SDCCAG8: variants seen among roughly 807,000 people sequenced by gnomAD.
The protein encoded by SDCCAG8 is SHH signaling and ciliogenesis regulator SDCCAG8.
Under a neutral mutation model 101.8 loss-of-function variants are expected in SDCCAG8, and 74 were observed. That is an observed-to-expected ratio of 0.73 (90% CI 0.60 to 0.88). The LOEUF is 0.88. Ranked by LOEUF, SDCCAG8 falls within the 40% of genes least tolerant of loss-of-function variation. The probability of loss-of-function intolerance (pLI) is 0.00; values close to 1 mark genes in which losing one functional copy is unlikely to be tolerated. For missense variants in SDCCAG8, 787 were observed against 822.6 expected (o/e 0.96, Z 0.53); for synonymous variants, 281 against 292.9 (o/e 0.96, Z 0.41).
chr1:243,273,137 T>G (rs1349272557), intron 3 of SDCCAG8, among the ~76,000 whole-genome samples: 3 of 152,232 alleles, frequency 2.0e-5, no homozygotes, highest in Non-Finnish European at 2.9e-5. Context: ...GATAATTCAT[T>G]TAATTAGAGT....
chr1:243,495,705 G>A (rs960628986), intron 17 of SDCCAG8, among the ~76,000 whole-genome samples: 13 of 152,186 alleles, frequency 8.5e-5, no homozygotes, highest in African/African-American at 2.9e-4. Context: ...ACAGGTGGGC[G>A]GTCCTGCTCG....
intron 16 of SDCCAG8, among the ~76,000 whole-genome samples, chr1:243,465,547 TTCACC>T (rs1170422126): frequency 6.6e-6 from 1 of 152,252 alleles, no homozygotes; most frequent in Non-Finnish European, 1.5e-5. Flanking sequence ...AAAGGATTTA[TTCACC>T]TCATCCTTTG....
chr1:243,275,044 A>C (rs955717946), intron 4 of SDCCAG8, among the ~76,000 whole-genome samples: 1 of 152,206 alleles, frequency 6.6e-6, no homozygotes, highest in Non-Finnish European at 1.5e-5. Flanking sequence ...CAGGGATTCT[A>C]AACTGGTAGA....
At chr1:243,304,991 A>C in intron 7 of SDCCAG8, 1 of 549,472 alleles carries the variant, frequency 1.8e-6, no homozygotes, top group Non-Finnish European at 3.2e-6. Flanking sequence ...TCAGTTGTAA[A>C]ATATTTGTGT....
At chr1:243,302,152 G>A (rs1051340229) in intron 6 of SDCCAG8, among the ~76,000 whole-genome samples, 1 of 152,176 alleles carries the variant, frequency 6.6e-6, no homozygotes, top group South Asian at 2.1e-4. Flanking sequence ...GGAGGCTGAG[G>A]CATGAGAATC....
intron 15 of SDCCAG8, among the ~76,000 whole-genome samples, chr1:243,419,866 C>T (rs1282367979): frequency 6.6e-6 from 1 of 152,146 alleles, no homozygotes; most frequent in East Asian, 1.9e-4. Context: ...ACTCTGTGCC[C>T]CTAGGCCCTC....
chr1:243,273,714 C>T (rs2068285790), intron 3 of SDCCAG8, among the ~76,000 whole-genome samples: 1 of 152,214 alleles, frequency 6.6e-6, no homozygotes, highest in African/African-American at 2.4e-5. Flanking sequence ...GGAGCTGCTG[C>T]AGTTTTAGCT....
At position 243,489,163 on chromosome 1, in the gene SDCCAG8, G is replaced by C. The variant is rs752615881; in HGVS notation, c.2112+23G>C. Reference sequence around the variant, plus strand: ...CAGGTACTGTGCAGAACGCGGCGCAGGTGGGAGTCCTTGGGCGGGCGTCTA... The same window carrying C: ...CAGGTACTGTGCAGAACGCGGCGCACGTGGGAGTCCTTGGGCGGGCGTCTA... On this transcript the variant is annotated intron_variant, in intron 17 of 17. Transcript: ENST00000366541. The C allele has an allele frequency of 2.5e-6, 4 of 1,610,052 alleles. No individual in the cohort carries two copies. The East Asian group carries it at 6.7e-5, about 27-fold the overall frequency.
At chr1:243,292,873 A>G (rs778462476) in intron 5 of SDCCAG8, among the ~76,000 whole-genome samples, 1 of 152,200 alleles carries the variant, frequency 6.6e-6, no homozygotes, top group Non-Finnish European at 1.5e-5. Flanking sequence ...CTCTTTGCCC[A>G]TATTTAGATT....
chr1:243,433,102 G>A (rs2081903773), intron 16 of SDCCAG8, among the ~76,000 whole-genome samples: 2 of 152,102 alleles, frequency 1.3e-5, no homozygotes, highest in African/African-American at 4.8e-5. Context: ...TAGCAGAAGA[G>A]ATTATATGAG....
intron 12 of SDCCAG8, among the ~76,000 whole-genome samples, chr1:243,347,672 C>T (rs1026469162): frequency 6.6e-6 from 1 of 152,192 alleles, no homozygotes; most frequent in Non-Finnish European, 1.5e-5. Context: ...AAAGGAGCTT[C>T]CTCGCATCCG....
chr1:243,385,037 T>TA (rs2078188533), intron 13 of SDCCAG8, among the ~76,000 whole-genome samples: 1 of 152,094 alleles, frequency 6.6e-6, no homozygotes, highest in Admixed American at 6.6e-5. Context: ...GATAGAAAGA[T>TA]AAAGAGGCCT....
At chr1:243,415,983 G>A (rs1479280360) in intron 14 of SDCCAG8, among the ~76,000 whole-genome samples, 154 bp downstream of exon 14, 2 of 152,252 alleles carry the variant, frequency 1.3e-5, no homozygotes, top group Non-Finnish European at 2.9e-5. Flanking sequence ...ATATTAGTTA[G>A]CGTTTAAAAG....
chr1:243,270,733 A>C (rs1197784619), intron 2 of SDCCAG8, among the ~76,000 whole-genome samples: 1 of 152,068 alleles, frequency 6.6e-6, no homozygotes, highest in Non-Finnish European at 1.5e-5. Flanking sequence ...CACTGTGCAT[A>C]GCTTTAGGTC....
At chr1:243,398,262 G>A (rs1466854242) in intron 13 of SDCCAG8, among the ~76,000 whole-genome samples, 2 of 152,100 alleles carry the variant, frequency 1.3e-5, no homozygotes, top group Non-Finnish European at 2.9e-5. Flanking sequence ...TCTGTGATTC[G>A]TGGCATGCTT....
chr1:243,310,244 C>A (rs566532246), intron 8 of SDCCAG8, among the ~76,000 whole-genome samples: 3 of 152,116 alleles, frequency 2.0e-5, no homozygotes, highest in African/African-American at 7.2e-5. Flanking sequence ...TTAATTTATT[C>A]ATATAGTCTC....
At chr1:243,317,057 A>G (rs1256304442) in intron 9 of SDCCAG8, among the ~76,000 whole-genome samples, 164 bp downstream of exon 9, 2 of 152,090 alleles carry the variant, frequency 1.3e-5, no homozygotes, top group African/African-American at 2.4e-5. Context: ...CAAATTTGCT[A>G]TTTGGAGAAT....
chr1:243,462,728 C>T (rs974819913), intron 16 of SDCCAG8, among the ~76,000 whole-genome samples: 18 of 152,142 alleles, frequency 1.2e-4, no homozygotes, highest in African/African-American at 4.1e-4. Context: ...TGCATTTAAA[C>T]AGCTTTAGCA....
chr1:243,342,817 T>C lies in SDCCAG8; in HGVS notation c.1357-1398T>C, dbSNP rs180951207. Among the ~76,000 whole-genome samples the C allele has an allele frequency of 6.6e-5, 10 of 152,332 alleles. No individual in the cohort carries two copies. The East Asian group carries it at 1.9e-3, about 29-fold the overall frequency. ...ACATTGAAGGCATTTGAACTTCCAA[T>C]AGAATTTTTAATAACTTCATTATTG... On this transcript the variant is annotated intron_variant, in intron 11 of 17. Coordinates refer to ENST00000366541, the MANE Select transcript of SDCCAG8 (RefSeq NM_006642.5).
Sources: allele counts gnomAD v4.1 joint callset (sites outside exome capture counted in the v4.1 genomes callset), GRCh38; gene constraint gnomAD v4.1.1; transcripts MANE v1.5; gene names NCBI Gene and HGNC (gene_info 2026-07-23, HGNC 2026-07-21).